The following TMEM63C variants were observed in gnomAD, a reference collection of about 807,000 sequenced individuals.
TMEM63C encodes the protein osmosensitive cation channel TMEM63C.
A neutral mutation model predicts 99.2 loss-of-function variants in TMEM63C; 32 were observed. That is an observed-to-expected ratio of 0.32 (90% CI 0.24 to 0.43). The LOEUF is 0.43. Among genes scored for constraint, TMEM63C ranks in the 20% least tolerant of loss-of-function variants. TMEM63C has a pLI of 1.00. For missense variants in TMEM63C, 826 were observed against 1,053.0 expected (o/e 0.78, Z 2.98); for synonymous variants, 376 against 397.9 (o/e 0.94, Z 0.66).
intron 16 of TMEM63C, among the ~76,000 whole-genome samples, chr14:77,245,616 G>A (rs1889257650): frequency 6.6e-6 from 1 of 152,192 alleles, no homozygotes; most frequent in South Asian, 2.1e-4. Context: ...GGCAGGCAAG[G>A]AGGAGCAAGT....
rs1266054217 is a variant in TMEM63C at position 77,224,457 on chromosome 14, A to T, written c.313-967A>T. 7.0e-4 allele frequency among the ~76,000 whole-genome samples: 106 copies of T among 152,196 alleles called. 1 individual carries two copies. Among genetic ancestry groups the T allele is most frequent in the Admixed American group, 6.9e-3 (106 of 15,304 alleles). On this transcript the variant is annotated intron_variant, in intron 5 of 23. Coordinates refer to ENST00000298351, the MANE Select transcript of TMEM63C (RefSeq NM_020431.4). ...CCAAATGGGGCCAATCTAGAGCTGTAACCTTGTGCAAGGTTTTGCTAAGTC... is the reference window on the plus strand; with the variant it reads ...CCAAATGGGGCCAATCTAGAGCTGTTACCTTGTGCAAGGTTTTGCTAAGTC...
intron 7 of TMEM63C, 99 bp from the exon 8 acceptor site, chr14:77,233,353 C>A: frequency 8.0e-7 from 1 of 1,246,200 alleles, no homozygotes; most frequent in Non-Finnish European, 1.1e-6. Context: ...CAAAGGCAAG[C>A]ATCTCCAGAC....
At chr14:77,194,749 T>C (rs1323774011) in intron 1 of TMEM63C, among the ~76,000 whole-genome samples, 1 of 151,636 alleles carries the variant, frequency 6.6e-6, no homozygotes, top group Non-Finnish European at 1.5e-5. Context: ...AATTTTTTTT[T>C]TTTTGTACTT....
chr14:77,239,585 G>A lies in TMEM63C; in HGVS notation c.807-18G>A. On this transcript the variant is annotated intron_variant, in intron 11 of 23. Coordinates refer to ENST00000298351, the MANE Select transcript of TMEM63C (RefSeq NM_020431.4). ...CCCCTGACCTGCAGGTCCTTCTCCT[G>A]TTGCCCACCGCTGGCAGGCGCCATG... 1.9e-6 allele frequency: 3 copies of A among 1,613,284 alleles called. No homozygotes were observed. Among genetic ancestry groups the A allele is most frequent in the Non-Finnish European group, 2.5e-6 (3 of 1,179,696 alleles).
intron 1 of TMEM63C, among the ~76,000 whole-genome samples, chr14:77,205,193 A>T (rs1238042919): frequency 2.0e-5 from 3 of 152,204 alleles, no homozygotes; most frequent in Admixed American, 6.5e-5. Flanking sequence ...GTGAGGGGGA[A>T]GTTTGACATG....
intron 16 of TMEM63C, among the ~76,000 whole-genome samples, chr14:77,245,032 G>T (rs1245940778): frequency 6.6e-6 from 1 of 152,236 alleles, no homozygotes. Flanking sequence ...CTTGAAAGCT[G>T]CATGCATCTC....
intron 1 of TMEM63C, among the ~76,000 whole-genome samples, chr14:77,198,886 C>G (rs746292420): frequency 3.3e-5 from 5 of 152,154 alleles, no homozygotes; most frequent in Non-Finnish European, 5.9e-5. Context: ...CTGGTTCCCG[C>G]AAGGTGGTAT....
chr14:77,195,414 C>T (rs1888198291), intron 1 of TMEM63C, among the ~76,000 whole-genome samples: 1 of 152,168 alleles, frequency 6.6e-6, no homozygotes, highest in Non-Finnish European at 1.5e-5. Context: ...CATCCTTGGA[C>T]TTTTCTGCCC....
chr14:77,215,239 A>G lies in TMEM63C; in HGVS notation c.-14+1731A>G, dbSNP rs572694677. ...TTCTACCTTTTTTTCCTGTCACCAA[A>G]CATCCAACATCCGCCCACCACCACC... On this transcript the variant is annotated intron_variant, in intron 2 of 23. Transcript: ENST00000298351. Among the ~76,000 whole-genome samples, 8 of 152,006 alleles carry G rather than the reference A, an allele frequency of 5.3e-5. No homozygotes were observed. The East Asian group carries it at 5.8e-4, about 11-fold the overall frequency.
In TMEM63C at chr14:77,194,057, A is replaced by G. The variant is rs184314488; in HGVS notation, c.-77+12163A>G. On this transcript the variant is annotated intron_variant, in intron 1 of 23. Coordinates refer to ENST00000298351, the MANE Select transcript of TMEM63C (RefSeq NM_020431.4). ...CATTACAGAGTATGATGCTGTCTCA[A>G]AACAAACAAACAAGAAAAAACAAAG... 4.3e-3 allele frequency among the ~76,000 whole-genome samples: 662 copies of G among 152,312 alleles called. 2 individuals carry two copies. Among genetic ancestry groups the G allele is most frequent in the Middle Eastern group, 0.017 (5 of 294 alleles).
At chr14:77,196,404 G>A (rs531747592) in intron 1 of TMEM63C, among the ~76,000 whole-genome samples, 18 of 152,248 alleles carry the variant, frequency 1.2e-4, no homozygotes, top group Non-Finnish European at 2.5e-4. Context: ...TGCCAGGAAA[G>A]GGGCAGAACG....
intron 13 of TMEM63C, among the ~76,000 whole-genome samples, chr14:77,240,820 C>T (rs980350745): frequency 2.6e-5 from 4 of 152,190 alleles, no homozygotes; most frequent in Non-Finnish European, 5.9e-5. Flanking sequence ...GTGCCCAGGC[C>T]GGGGCTCCTC....
At chr14:77,214,660 T>TC (rs2140105403) in intron 2 of TMEM63C, among the ~76,000 whole-genome samples, 1 of 149,658 alleles carries the variant, frequency 6.7e-6, no homozygotes, top group East Asian at 2.0e-4. Flanking sequence ...ACTCTCCCCT[T>TC]CCCCCCTCAC....
In TMEM63C at chr14:77,253,177, G is replaced by T; in HGVS notation, c.2149-128G>T. Reference sequence around the variant, plus strand: ...CTCAGTCTTGCCAGGCTGAAGGTCTGGAAAGACAGAAGATGAGTTGAGTTC... The same window carrying T: ...CTCAGTCTTGCCAGGCTGAAGGTCTTGAAAGACAGAAGATGAGTTGAGTTC... On this transcript the variant is annotated intron_variant, in intron 22 of 23. Transcript: ENST00000298351. 6.0e-6 allele frequency: 5 copies of T among 829,044 alleles called. No individual in the cohort carries two copies. The South Asian group carries it at 7.5e-5, about 12-fold the overall frequency. 51.4% of individuals were successfully genotyped at this position (829,044 alleles called of 1,614,324 possible). A position where few individuals can be genotyped will look rare whatever the true frequency, so the allele number is the denominator to read the frequency against.
At chr14:77,231,845 G>C (rs1436297145) in intron 7 of TMEM63C, 115 bp downstream of exon 7, 2 of 1,212,702 alleles carry the variant, frequency 1.6e-6, no homozygotes, top group Non-Finnish European at 2.3e-6. Context: ...GCCTCTGGGA[G>C]TTTGTTGTTG....
chr14:77,185,287 T>C (rs1234372014), intron 1 of TMEM63C, among the ~76,000 whole-genome samples: 2 of 152,154 alleles, frequency 1.3e-5, no homozygotes, highest in Non-Finnish European at 2.9e-5. Context: ...CCTTCATTCC[T>C]GCCAAGCCAG....
intron 16 of TMEM63C, among the ~76,000 whole-genome samples, chr14:77,245,480 G>A (rs913824098): frequency 6.6e-5 from 10 of 152,160 alleles, no homozygotes; most frequent in Non-Finnish European, 1.2e-4. Flanking sequence ...AGGTTTCATT[G>A]GACTCGCTAT....
At chr14:77,213,269 C>A (rs150738407) in intron 1 of TMEM63C, among the ~76,000 whole-genome samples, 177 bp from the exon 2 acceptor site, 43 of 152,220 alleles carry the variant, frequency 2.8e-4, no homozygotes, top group African/African-American at 9.9e-4. Context: ...ACCATCAAGA[C>A]AATTAAAAGA....
At chr14:77,209,493 A>G (rs2140102208) in intron 1 of TMEM63C, among the ~76,000 whole-genome samples, 1 of 152,290 alleles carries the variant, frequency 6.6e-6, no homozygotes, top group East Asian at 1.9e-4. Context: ...GAACCATGAA[A>G]AGTATAAGAG....
Sources: gnomAD v4.1 joint callset for allele counts (sites outside exome capture counted in the v4.1 genomes callset) on GRCh38, gnomAD v4.1.1 for gene constraint, MANE v1.5 for transcripts, NCBI Gene and HGNC (gene_info 2026-07-23, HGNC 2026-07-21) for gene names.